Variants in CENPE observed in about 807,000 individuals in gnomAD.
The protein encoded by CENPE is centromere-associated protein E.
In CENPE, 145 loss-of-function variants were observed where a neutral mutation model predicts 336.1. The observed-to-expected ratio is 0.43, with a 90% CI of 0.38 to 0.50. The LOEUF (loss-of-function observed/expected upper bound fraction) is 0.50, where lower values mean the gene tolerates loss of function less well. Among genes scored for constraint, CENPE ranks in the 20% least tolerant of loss-of-function variants. The pLI is 0.00. For missense variants in CENPE, 2,719 were observed against 3,023.3 expected, an observed-to-expected ratio of 0.90 and a Z score of 2.36; for synonymous variants, 1,013 against 984.8, an observed-to-expected ratio of 1.03 and a Z score of -0.54.
intron 42 of CENPE, among the ~76,000 whole-genome samples, chr4:103,123,524 A>C (rs771185950): frequency 3.9e-5 from 6 of 152,154 alleles, no homozygotes; most frequent in Admixed American, 1.3e-4. Flanking sequence ...AAAGTTCTCA[A>C]CTTAATAAGA....
chr4:103,141,657 G>C, intron 35 of CENPE, 93 bp downstream of exon 35: 1 of 834,844 alleles, frequency 1.2e-6, no homozygotes. Flanking sequence ...CTGCCAAGGT[G>C]TTTTCCAGTG....
intron 18 of CENPE, among the ~76,000 whole-genome samples, chr4:103,161,902 T>TA (rs1274230119): frequency 2.0e-5 from 3 of 151,778 alleles, no homozygotes; most frequent in Admixed American, 6.6e-5. Flanking sequence ...ACAAGAAACT[T>TA]ACAGATGAGA....
At chr4:103,123,423 A>T (rs1397653206) in intron 42 of CENPE, among the ~76,000 whole-genome samples, 2 of 152,166 alleles carry the variant, frequency 1.3e-5, no homozygotes, top group Non-Finnish European at 2.9e-5. Context: ...TATTTTAATT[A>T]ATAATGGCCC....
chr4:103,164,082 T>C (rs1754706101), intron 16 of CENPE, among the ~76,000 whole-genome samples: 1 of 152,112 alleles, frequency 6.6e-6, no homozygotes, highest in Non-Finnish European at 1.5e-5. Context: ...CTTTACAATA[T>C]TATTACTTTT....
intron 16 of CENPE, among the ~76,000 whole-genome samples, chr4:103,164,207 C>T (rs1754720490): frequency 6.6e-6 from 1 of 152,036 alleles, no homozygotes; most frequent in African/African-American, 2.4e-5. Context: ...AGAAGTATTT[C>T]TATTGAGGTG....
At chr4:103,147,294 C>A (rs1753135004) in intron 29 of CENPE, 62 bp downstream of exon 29, 3 of 1,386,738 alleles carry the variant, frequency 2.2e-6, no homozygotes. Flanking sequence ...AACTATAACA[C>A]AAACACAAGC....
chr4:103,184,983 T>A (rs1364499447), intron 9 of CENPE, among the ~76,000 whole-genome samples: 1 of 152,144 alleles, frequency 6.6e-6, no homozygotes, highest in Non-Finnish European at 1.5e-5. Context: ...TTTTCAAGTA[T>A]TTGTTTGTGT....
intron 16 of CENPE, among the ~76,000 whole-genome samples, chr4:103,173,630 T>TTTGCAATATTTGCAGAGATATTTGCAA (rs1212496499): frequency 6.6e-6 from 1 of 151,440 alleles, no homozygotes; most frequent in Non-Finnish European, 1.5e-5. Flanking sequence ...TTGCAAAATA[T>TTTGCAATATTTGCAGAGATATTTGCAA]ACATCTGACA....
intron 42 of CENPE, among the ~76,000 whole-genome samples, chr4:103,123,536 A>G (rs1177379541): frequency 6.6e-6 from 1 of 152,230 alleles, no homozygotes; most frequent in Non-Finnish European, 1.5e-5. Flanking sequence ...TTAATAAGAA[A>G]AAAAATCATA....
chr4:103,154,579 GT>G (rs1241240978), intron 24 of CENPE, among the ~76,000 whole-genome samples: 3 of 152,146 alleles, frequency 2.0e-5, no homozygotes, highest in Non-Finnish European at 4.4e-5. Context: ...TTTGGGACTA[GT>G]CTGTTAGATA....
At position 103,116,662 on chromosome 4, in the gene CENPE, A is replaced by G; in HGVS notation, c.7357T>C (p.Tyr2453His). 1.9e-6 allele frequency: 3 copies of G among 1,590,396 alleles called. No homozygotes were observed. The highest frequency in any genetic ancestry group is 2.6e-6 in the Non-Finnish European group (3 of 1,170,682). Reference protein sequence around the residue: ...QDKVALGAKPYKEEIEDLKMK... With the variant: ...QDKVALGAKPHKEEIEDLKMK... The stretch of plus-strand genomic sequence containing the variant: ...TTGAGATCTTCAATTTCTTCTTTAT[A>G]TGGCTTAGCTCCTAAAGCAACTTTG... Residue 2453 changes from tyrosine (Y) to histidine (H), a missense_variant, in exon 45 of 49, where the codon TAT becomes CAT. This residue lies in a region of CENPE where 2,437 missense variants were observed against 2,513.3 expected (regional missense o/e 0.97). Coordinates refer to ENST00000265148, the MANE Select transcript of CENPE (RefSeq NM_001813.3).
rs1210924628 is a variant in CENPE, at chr4:103,163,255, T to C, written c.1724A>G (p.Asn575Ser). The change falls in exon 18 of 49, where the codon AAT (asparagine) becomes AGT (serine). Residue 575 changes from asparagine to serine, a missense_variant and splice_region_variant. Around this residue, in one of 5 missense-constraint regions of CENPE, gnomAD observed 2,437 missense variants for 2,513.3 expected, o/e 0.97. Coordinates refer to ENST00000265148, the MANE Select transcript of CENPE (RefSeq NM_001813.3). ...CAGCTCTACTTTTGAACTGAGTTCA[T>C]TCTAAAAGAATCAAAGGAGAGAGTA... ...HAEVYNQDLE[N>S]ELSSKVELLR... is the part of the protein sequence containing the mutation. 6.2e-7 allele frequency: 1 copy of C among 1,605,150 alleles called. No individual in the cohort carries two copies. The highest frequency in any genetic ancestry group is 1.1e-5 in the South Asian group (1 of 89,880).
At chr4:103,166,361 A>G (rs1487881887) in intron 16 of CENPE, among the ~76,000 whole-genome samples, 1 of 152,152 alleles carries the variant, frequency 6.6e-6, no homozygotes, top group Non-Finnish European at 1.5e-5. Flanking sequence ...TCTAGAGACC[A>G]TGTTCTTAAT....
intron 28 of CENPE, 24 bp downstream of exon 28, chr4:103,148,820 G>T: frequency 1.3e-6 from 2 of 1,597,104 alleles, no homozygotes; most frequent in African/African-American, 1.3e-5. Flanking sequence ...AAGTGACAAA[G>T]GATGAAAGGA....
chr4:103,176,108 A>G, intron 14 of CENPE, 60 bp from the exon 15 acceptor site: 1 of 984,576 alleles, frequency 1.0e-6, no homozygotes, highest in Non-Finnish European at 1.5e-6. Flanking sequence ...TCCTAAGTCA[A>G]ATTAAAGATT....
intron 24 of CENPE, among the ~76,000 whole-genome samples, chr4:103,155,948 C>T (rs1354215263): frequency 6.6e-6 from 1 of 152,088 alleles, no homozygotes; most frequent in African/African-American, 2.4e-5. Flanking sequence ...TTTCTGTACA[C>T]TAACAATGAA....
Position 103,147,649 on chromosome 4 carries a change from T to C in CENPE, c.3844-3A>G. ...TGTTCCTCATGAAGCACTGGGATCT[T>C]AGGACATTCATAAAATACCAAGGTT... is the stretch of plus-strand genomic sequence containing the variant. On this transcript the variant is annotated splice_polypyrimidine_tract_variant and splice_region_variant and intron_variant, in intron 28 of 48. Transcript: ENST00000265148. 1 of 1,599,464 alleles carries C rather than the reference T, an allele frequency of 6.3e-7. No individual in the cohort carries two copies. Among genetic ancestry groups the C allele is most frequent in the Non-Finnish European group, 8.5e-7 (1 of 1,175,618 alleles).
chr4:103,126,204 A>G (rs1275075334), intron 42 of CENPE, among the ~76,000 whole-genome samples: 1 of 152,190 alleles, frequency 6.6e-6, no homozygotes, highest in Non-Finnish European at 1.5e-5. Context: ...AAGTCATCAC[A>G]GTTAATATTG....
chr4:103,191,584 T>C (rs1328817440), intron 8 of CENPE, among the ~76,000 whole-genome samples: 1 of 140,964 alleles, frequency 7.1e-6, no homozygotes, highest in African/African-American at 2.7e-5. Context: ...CACTCATAGG[T>C]TGGAACTGAA....
Sources: gnomAD v4.1 joint callset for allele counts (sites outside exome capture counted in the v4.1 genomes callset) on GRCh38, gnomAD v4.1.1 for gene constraint, gnomAD v4.1.1 regional missense constraint, MANE v1.5 for transcripts, NCBI Gene and HGNC (gene_info 2026-07-23, HGNC 2026-07-21) for gene names.